The following CAB39L variants were observed in gnomAD, a reference collection of about 807,000 sequenced individuals.
CAB39L encodes calcium-binding protein 39-like.
Under a neutral mutation model 39.1 loss-of-function variants are expected in CAB39L, and 23 were observed. That is an observed-to-expected ratio of 0.59 (90% CI 0.42 to 0.83). The LOEUF is 0.83. Among genes scored for constraint, CAB39L ranks in the 40% least tolerant of loss-of-function variants. CAB39L has a pLI of 0.00. For synonymous variants in CAB39L, 126 were observed against 137.2 expected, an observed-to-expected ratio of 0.92 and a Z score of 0.57; for missense variants, 366 against 391.9, an observed-to-expected ratio of 0.93 and a Z score of 0.56.
intron 3 of CAB39L, among the ~76,000 whole-genome samples, chr13:49,408,838 C>T (rs752440582): frequency 6.6e-6 from 1 of 151,676 alleles, no homozygotes; most frequent in South Asian, 2.1e-4. Context: ...CCCCTCCCCC[C>T]CAAAAAAAGG....
At chr13:49,374,271 G>A (rs994164539) in intron 5 of CAB39L, among the ~76,000 whole-genome samples, 2 of 152,000 alleles carry the variant, frequency 1.3e-5, no homozygotes, top group East Asian at 3.8e-4. Context: ...TGAATCATCA[G>A]TTTAAAAACG....
At chr13:49,345,608 T>A (rs1311178009) in intron 7 of CAB39L, among the ~76,000 whole-genome samples, 1 of 152,158 alleles carries the variant, frequency 6.6e-6, no homozygotes, top group Non-Finnish European at 1.5e-5. Flanking sequence ...TTGAGGTCCC[T>A]ACTCTTTTTT....
intron 4 of CAB39L, among the ~76,000 whole-genome samples, chr13:49,377,772 C>T (rs1956118923): frequency 1.1e-5 from 1 of 91,960 alleles, no homozygotes; most frequent in African/African-American, 6.2e-5. Flanking sequence ...CCTGCCTTGG[C>T]CTCCCAAAGT....
At chr13:49,385,143 T>C (rs1956329920) in intron 3 of CAB39L, among the ~76,000 whole-genome samples, 1 of 152,236 alleles carries the variant, frequency 6.6e-6, no homozygotes, top group African/African-American at 2.4e-5. Context: ...CCCTCACCAA[T>C]GATCTCAGCT....
chr13:49,345,539 T>G (rs1331560366), intron 7 of CAB39L, among the ~76,000 whole-genome samples: 1 of 152,162 alleles, frequency 6.6e-6, no homozygotes, highest in Non-Finnish European at 1.5e-5. Context: ...AGGTCTTGAT[T>G]CAAACTAGTT....
rs79502368 is a variant in CAB39L at position 49,417,806 on chromosome 13, T to C, written c.-32+15512A>G. Among the ~76,000 whole-genome samples the C allele has an allele frequency of 7.4e-4, 113 of 152,134 alleles. 3 individuals are homozygous for C. In the East Asian group the frequency reaches 0.019, roughly 25 times the overall value. On this transcript the variant is annotated intron_variant, in intron 3 of 10. Coordinates refer to ENST00000409308, the MANE Select transcript of CAB39L (RefSeq NM_001079670.3). ...TTATCCCATGTTTTCAATCCAGAAATTAAAATCTGAGTTAAAAAAAACCCT... is the reference window on the plus strand; with the variant it reads ...TTATCCCATGTTTTCAATCCAGAAACTAAAATCTGAGTTAAAAAAAACCCT...
chr13:49,362,384 A>C (rs1418184166), intron 5 of CAB39L, among the ~76,000 whole-genome samples: 1 of 152,088 alleles, frequency 6.6e-6, no homozygotes, highest in African/African-American at 2.4e-5. Flanking sequence ...TCTATCATAA[A>C]TTTAATACAG....
intron 4 of CAB39L, among the ~76,000 whole-genome samples, chr13:49,379,853 T>C (rs1956215432): frequency 6.6e-6 from 1 of 151,698 alleles, no homozygotes; most frequent in South Asian, 2.1e-4. Context: ...TCTTTTTTTT[T>C]TTTTTTTAGA....
At chr13:49,333,047 G>A (rs1954754891) in intron 9 of CAB39L, among the ~76,000 whole-genome samples, 1 of 152,076 alleles carries the variant, frequency 6.6e-6, no homozygotes, top group Admixed American at 6.5e-5. Flanking sequence ...TCCCAGATGT[G>A]TGCAAGCATC....
At chr13:49,340,967 A>G (rs1251037163) in intron 8 of CAB39L, among the ~76,000 whole-genome samples, 1 of 152,228 alleles carries the variant, frequency 6.6e-6, no homozygotes, top group African/African-American at 2.4e-5. Context: ...AAAAGGAGTC[A>G]AAGAGAATGA....
chr13:49,390,481 T>C (rs1278247160), intron 3 of CAB39L, among the ~76,000 whole-genome samples: 1 of 152,158 alleles, frequency 6.6e-6, no homozygotes, highest in Non-Finnish European at 1.5e-5. Flanking sequence ...GTACAGTCCC[T>C]CGCTAATAAA....
chr13:49,370,851 T>C (rs1955898270), intron 5 of CAB39L, among the ~76,000 whole-genome samples: 3 of 152,174 alleles, frequency 2.0e-5, no homozygotes, highest in South Asian at 2.1e-4. Flanking sequence ...CTTTATAGGA[T>C]AAAGGCCTTC....
At chr13:49,424,478 T>C (rs1003107201) in intron 3 of CAB39L, among the ~76,000 whole-genome samples, 2 of 152,226 alleles carry the variant, frequency 1.3e-5, no homozygotes, top group Non-Finnish European at 2.9e-5. Flanking sequence ...ACATGATGAC[T>C]ACATGTAACG....
intron 9 of CAB39L, among the ~76,000 whole-genome samples, chr13:49,335,788 G>A (rs1954829739): frequency 6.6e-6 from 1 of 152,090 alleles, no homozygotes; most frequent in African/African-American, 2.4e-5. Context: ...GTCACATGAT[G>A]GAAAGGAATT....
chr13:49,399,471 T>C (rs1239017158), intron 3 of CAB39L, among the ~76,000 whole-genome samples: 3 of 152,108 alleles, frequency 2.0e-5, no homozygotes, highest in South Asian at 2.1e-4. Flanking sequence ...AGTTTCGTCA[T>C]TGGAATTGAC....
rs779977548 is a variant in CAB39L, at chr13:49,433,394, C to T, written c.-107-1G>A. The T allele has an allele frequency of 2.2e-6, 1 of 450,460 alleles. No individual in the cohort carries two copies. The highest frequency in any genetic ancestry group is 4.4e-6 in the Non-Finnish European group (1 of 225,514). The allele number at this position is 450,460 out of a possible 1,614,324, so 27.9% of individuals were successfully genotyped here. On this transcript the variant is annotated splice_acceptor_variant, in intron 2 of 10. Coordinates refer to ENST00000409308, the MANE Select transcript of CAB39L (RefSeq NM_001079670.3). LOFTEE classifies it low-confidence loss of function (5UTR_SPLICE). ...CCAAAGTCACTGATCACCACAGCTT[C>T]TGACAAAAAGAAAAGCTTTAAAATT...
chr13:49,369,502 A>G (rs1360057569), intron 5 of CAB39L, among the ~76,000 whole-genome samples: 1 of 152,210 alleles, frequency 6.6e-6, no homozygotes, highest in African/African-American at 2.4e-5. Flanking sequence ...TCTTTTTGCA[A>G]TGGTGAAAAT....
chr13:49,320,860 T>C (rs1236246699), intron 10 of CAB39L, among the ~76,000 whole-genome samples: 1 of 152,216 alleles, frequency 6.6e-6, no homozygotes, highest in East Asian at 1.9e-4. Flanking sequence ...AGAAAGGACT[T>C]GATTGTTAAA....
At chr13:49,418,989 G>T (rs765888214) in intron 3 of CAB39L, among the ~76,000 whole-genome samples, 1 of 152,052 alleles carries the variant, frequency 6.6e-6, no homozygotes, top group African/African-American at 2.4e-5. Context: ...TGTTTTTTGA[G>T]ATGGAGTCTC....
Sources: allele counts gnomAD v4.1 joint callset (sites outside exome capture counted in the v4.1 genomes callset), GRCh38; gene constraint gnomAD v4.1.1; transcripts MANE v1.5; gene names NCBI Gene and HGNC (gene_info 2026-07-23, HGNC 2026-07-21).